Variants in EVA1C observed in about 807,000 individuals in gnomAD.
The protein encoded by EVA1C is protein eva-1 homolog C.
A neutral mutation model predicts 45.4 loss-of-function variants in EVA1C; 25 were observed. That is an observed-to-expected ratio of 0.55 (90% CI 0.40 to 0.77). The LOEUF is 0.77. Ranked by LOEUF, EVA1C falls within the 30% of genes least tolerant of loss-of-function variation. The pLI is 0.00. For missense variants in EVA1C, 479 were observed against 554.8 expected (o/e 0.86, Z 1.37); for synonymous variants, 190 against 221.2 (o/e 0.86, Z 1.25).
intron 6 of EVA1C, among the ~76,000 whole-genome samples, chr21:32,502,827 G>A (rs571516703): frequency 1.4e-4 from 21 of 152,106 alleles, no homozygotes; most frequent in African/African-American, 4.8e-4. Flanking sequence ...ACAGGGCTTT[G>A]CCATGTTGCC....
At chr21:32,490,386 G>A (rs1478881344) in intron 4 of EVA1C, among the ~76,000 whole-genome samples, 2 of 152,124 alleles carry the variant, frequency 1.3e-5, no homozygotes, top group East Asian at 1.9e-4. Context: ...GTTCATCCAA[G>A]TTGTAGTATG....
At chr21:32,507,465 CAT>C (rs2037761581) in intron 7 of EVA1C, among the ~76,000 whole-genome samples, 2 of 143,070 alleles carry the variant, frequency 1.4e-5, no homozygotes, top group Admixed American at 6.9e-5. Context: ...TGCGTGTGTG[CAT>C]GTGTGCATGT....
Position 32,503,955 on chromosome 21 carries a change from G to T in EVA1C, c.889G>T (p.Val297Phe), listed in dbSNP as rs768813253. The T allele has an allele frequency of 3.2e-5, 51 of 1,611,570 alleles. No homozygotes were observed. In the South Asian group the frequency reaches 5.1e-4, roughly 16 times the overall value. ...GINFDPSGSK[V>F]LRKDGILVSN... ...AAACTTCGACCCAAGCGGATCGAAG[G>T]TTCTGAGGAAAGATGGAATTCTTGT... The change falls in exon 7 of 8, where the codon GTT becomes TTT. Residue 297 changes from valine (V) to phenylalanine (F), a missense_variant. Physicochemically the swap from Val to Phe is conservative, Grantham distance 50. Coordinates refer to ENST00000300255, the MANE Select transcript of EVA1C (RefSeq NM_058187.5).
At chr21:32,431,488 A>G (rs769497149) in intron 1 of EVA1C, among the ~76,000 whole-genome samples, 2 of 152,210 alleles carry the variant, frequency 1.3e-5, no homozygotes, top group Admixed American at 6.5e-5. Flanking sequence ...ACACATGCCA[A>G]TGTCTGCAGT....
chr21:32,475,203 C>G (rs1383146207), intron 4 of EVA1C, among the ~76,000 whole-genome samples: 2 of 152,284 alleles, frequency 1.3e-5, no homozygotes, highest in South Asian at 4.1e-4. Flanking sequence ...AGACTGGATA[C>G]CCCCTTGGAA....
In EVA1C at chr21:32,445,233, C is replaced by T. The variant is rs188772007; in HGVS notation, c.161-8079C>T. ...GAATCTGCAATTTTACATAAGATAA[C>T]GTAAACAATAGTGCAGAGGAAGCAA... On this transcript the variant is annotated intron_variant, in intron 1 of 7. Transcript: ENST00000300255. Among the ~76,000 whole-genome samples, 425 of 152,296 alleles carry T rather than the reference C, an allele frequency of 2.8e-3. 2 individuals carry two copies. Among genetic ancestry groups the T allele is most frequent in the African/African-American group, 9.3e-3 (388 of 41,562 alleles).
At position 32,483,000 on chromosome 21, in the gene EVA1C, C is replaced by CT. The variant is rs6147483; in HGVS notation, c.635-12027_635-12026insT. Among the ~76,000 whole-genome samples the CT allele has an allele frequency of 4.8e-3, 732 of 152,136 alleles. 25 individuals are homozygous for CT. Among genetic ancestry groups the CT allele is most frequent in the African/African-American group, 0.017 (707 of 41,426 alleles). ...CCACCCAAGTAGCTGGGACTACAGG[C>CT]GCACACCATCATGCCCAGCTACTTT... is the stretch of plus-strand genomic sequence containing the variant. On this transcript the variant is annotated intron_variant, in intron 4 of 7. Transcript: ENST00000300255.
intron 7 of EVA1C, among the ~76,000 whole-genome samples, chr21:32,513,561 T>TC (rs1300921397): frequency 7.0e-6 from 1 of 142,324 alleles, no homozygotes; most frequent in East Asian, 2.0e-4. Context: ...CTTTTTTTTT[T>TC]TTTTTTTTTG....
rs1013458478 is a variant in EVA1C at position 32,415,516 on chromosome 21, T to C, written c.160+2503T>C. ...TTGGAAAGTTCCTTAAGCCTTTCTCTTCTTTGCGGCTCTTCCTTGAGCCTT... is the reference window on the plus strand; with the variant it reads ...TTGGAAAGTTCCTTAAGCCTTTCTCCTCTTTGCGGCTCTTCCTTGAGCCTT... On this transcript the variant is annotated intron_variant, in intron 1 of 7. Coordinates refer to ENST00000300255, the MANE Select transcript of EVA1C (RefSeq NM_058187.5). Among the ~76,000 whole-genome samples the C allele has an allele frequency of 6.6e-5, 10 of 152,266 alleles. No individual in the cohort carries two copies. The East Asian group carries it at 1.7e-3, about 26-fold the overall frequency.
At chr21:32,503,371 C>A (rs2037620024) in intron 6 of EVA1C, among the ~76,000 whole-genome samples, 1 of 152,110 alleles carries the variant, frequency 6.6e-6, no homozygotes, top group African/African-American at 2.4e-5. Flanking sequence ...CATGGTGAAG[C>A]CCCATCTCTA....
At chr21:32,459,929 T>C (rs1317282431) in intron 3 of EVA1C, among the ~76,000 whole-genome samples, 1 of 151,986 alleles carries the variant, frequency 6.6e-6, no homozygotes, top group Non-Finnish European at 1.5e-5. Flanking sequence ...GGTTGTGATA[T>C]TCTTTCACAT....
At chr21:32,423,318 G>T (rs189301909) in intron 1 of EVA1C, among the ~76,000 whole-genome samples, 38 of 152,210 alleles carry the variant, frequency 2.5e-4, no homozygotes, top group Non-Finnish European at 5.1e-4. Context: ...CCACAGGTGA[G>T]CCTCAGTTTC....
chr21:32,497,374 T>G, intron 5 of EVA1C: 1 of 386,580 alleles, frequency 2.6e-6, no homozygotes, highest in South Asian at 2.7e-5. Context: ...TGGGGAAAAC[T>G]TTTTTCAGGT....
At chr21:32,513,764 C>T (rs1296295010) in intron 7 of EVA1C, among the ~76,000 whole-genome samples, 2 of 151,608 alleles carry the variant, frequency 1.3e-5, no homozygotes, top group Non-Finnish European at 2.9e-5. Flanking sequence ...TGGTCTTGAA[C>T]CCCTGAACTC....
chr21:32,424,861 A>G (rs1397973061), intron 1 of EVA1C, among the ~76,000 whole-genome samples: 2 of 152,020 alleles, frequency 1.3e-5, no homozygotes, highest in African/African-American at 4.8e-5. Flanking sequence ...GATGATGATG[A>G]TTGATGATGA....
intron 6 of EVA1C, among the ~76,000 whole-genome samples, chr21:32,502,301 G>A (rs894450648): frequency 1.3e-5 from 2 of 151,984 alleles, no homozygotes; most frequent in African/African-American, 4.8e-5. Flanking sequence ...GTTTCACCAT[G>A]TTAGTCAGGC....
chr21:32,501,988 CTTT>C (rs1209282290), intron 6 of EVA1C, among the ~76,000 whole-genome samples: 17 of 1,596 alleles, frequency 0.011, no homozygotes, highest in African/African-American at 0.024. Flanking sequence ...TCGCTCTTTT[CTTT>C]CTTTCTTTCT....
chr21:32,495,993 T>G (rs972991220), intron 5 of EVA1C, among the ~76,000 whole-genome samples: 1 of 152,248 alleles, frequency 6.6e-6, no homozygotes, highest in East Asian at 1.9e-4. Context: ...TTTTGAGATA[T>G]AATCCACAGA....
At chr21:32,470,290 C>G (rs1457119797) in intron 4 of EVA1C, among the ~76,000 whole-genome samples, 1 of 152,242 alleles carries the variant, frequency 6.6e-6, no homozygotes, top group Non-Finnish European at 1.5e-5. Context: ...CCATTTGGAA[C>G]ACGTGCCTCC....
Sources: allele counts gnomAD v4.1 joint callset (sites outside exome capture counted in the v4.1 genomes callset), GRCh38; gene constraint gnomAD v4.1.1; transcripts MANE v1.5; gene names NCBI Gene and HGNC (gene_info 2026-07-23, HGNC 2026-07-21).